Variants in CASZ1 observed in about 807,000 individuals in gnomAD.
The protein encoded by CASZ1 is zinc finger protein castor homolog 1.
CASZ1 carries 28 observed loss-of-function variants against 135.2 expected under a neutral mutation model. The observed-to-expected ratio is 0.21, with a 90% CI of 0.15 to 0.28. CASZ1 has a LOEUF of 0.28. Ranked by LOEUF, CASZ1 falls within the 10% of genes least tolerant of loss-of-function variation. CASZ1 has a pLI of 1.00. For synonymous variants in CASZ1, 1,068 were observed against 1,073.4 expected (o/e 0.99, Z 0.10); for missense variants, 2,161 against 2,453.3 (o/e 0.88, Z 2.52).
rs545642992 is a variant in CASZ1, at chr1:10,660,608, C to G, written c.506-72G>C. 3 of 1,363,194 alleles carry G rather than the reference C, an allele frequency of 2.2e-6. No individual in the cohort carries two copies. In the Admixed American group the frequency reaches 6.0e-5, roughly 27 times the overall value. 84.4% of individuals were successfully genotyped at this position (1,363,194 alleles called of 1,614,324 possible). On this transcript the variant is annotated intron_variant, in intron 5 of 20. Coordinates refer to ENST00000377022, the MANE Select transcript of CASZ1 (RefSeq NM_001079843.3). ...GGACAGGAGGTCCCCCCACTGGGGG[C>G]CCCCACCCATAGAGGGAGGGGGTCA...
intron 4 of CASZ1, among the ~76,000 whole-genome samples, chr1:10,684,637 G>A (rs1638528853): frequency 6.6e-6 from 1 of 152,166 alleles, no homozygotes; most frequent in Admixed American, 6.5e-5. Context: ...ATGGGTCTTT[G>A]CAGTTCTGGG....
Position 10,741,882 on chromosome 1 carries a change from GT to G in CASZ1, c.-77+18818del, listed in dbSNP as rs997854097. Among the ~76,000 whole-genome samples, 17 of 152,026 alleles carry G rather than the reference GT, an allele frequency of 1.1e-4. No homozygotes were observed. Among genetic ancestry groups the G allele is most frequent in the Non-Finnish European group, 2.2e-4 (15 of 68,004 alleles). ...CTGGGCAGTTTGTGCGTATCTGTGTGTTTTTTCCCCCAAAGCCAGGAGAGAT... is the reference window on the plus strand; with the variant it reads ...CTGGGCAGTTTGTGCGTATCTGTGTGTTTTTCCCCCAAAGCCAGGAGAGAT... On this transcript the variant is annotated intron_variant, in intron 2 of 20. Transcript: ENST00000377022. The surrounding 1 kb of genome is among the most constrained non-coding windows in gnomAD (Gnocchi z 5.0).
intron 17 of CASZ1, among the ~76,000 whole-genome samples, chr1:10,645,810 C>G (rs934888434): frequency 1.3e-5 from 2 of 152,100 alleles, no homozygotes; most frequent in African/African-American, 4.8e-5. Flanking sequence ...TTCGAAAATT[C>G]TAGGGCTTTG....
chr1:10,769,748 C>A (rs992927826), intron 1 of CASZ1, among the ~76,000 whole-genome samples: 1 of 152,196 alleles, frequency 6.6e-6, no homozygotes, highest in Non-Finnish European at 1.5e-5. Context: ...AACTCCTGAC[C>A]TCAAGTGATC....
intron 2 of CASZ1, among the ~76,000 whole-genome samples, chr1:10,710,819 G>A (rs1639270797): frequency 6.6e-6 from 1 of 152,276 alleles, no homozygotes; most frequent in South Asian, 2.1e-4. Flanking sequence ...CGCTGTGCCA[G>A]GCACAAGGAA....
At chr1:10,653,263 G>T (rs1428879944) in intron 11 of CASZ1, 114 bp downstream of exon 11, 2 of 1,095,250 alleles carry the variant, frequency 1.8e-6, no homozygotes, top group Admixed American at 1.8e-5. Flanking sequence ...GGCAAGCAGG[G>T]GCCACACGGA....
rs1019057645 is a variant in CASZ1 at position 10,697,908 on chromosome 1, C to T, written c.-23-3996G>A. On this transcript the variant is annotated intron_variant, in intron 3 of 20. Transcript: ENST00000377022. The surrounding 1 kb of genome is among the most constrained non-coding windows in gnomAD (Gnocchi z 4.7). ...TTTGCGTGTGAGCCCGCTCCGGGGC[C>T]GATGGAGGGAGGGTGTCGGGAAAGC... Among the ~76,000 whole-genome samples, 5 of 152,172 alleles carry T rather than the reference C, an allele frequency of 3.3e-5. No individual in the cohort carries two copies. Among genetic ancestry groups the T allele is most frequent in the Admixed American group, 1.3e-4 (2 of 15,280 alleles).
intron 1 of CASZ1, among the ~76,000 whole-genome samples, chr1:10,773,089 C>T (rs1040409798): frequency 6.6e-6 from 1 of 151,756 alleles, no homozygotes; most frequent in Admixed American, 6.6e-5. Flanking sequence ...TGTCATCGAG[C>T]ACCGGTGGGA....
chr1:10,791,498 C>T (rs189622738), intron 1 of CASZ1, among the ~76,000 whole-genome samples: 4 of 152,280 alleles, frequency 2.6e-5, no homozygotes, highest in Non-Finnish European at 5.9e-5. Context: ...CCAGGTTCCT[C>T]CCCCCGTCAT....
In CASZ1 at chr1:10,778,982, A is replaced by T. The variant is rs1234545797; in HGVS notation, c.-234+17582T>A. Among the ~76,000 whole-genome samples the T allele has an allele frequency of 2.0e-5, 3 of 152,202 alleles. No homozygotes were observed. The East Asian group carries it at 5.8e-4, about 29-fold the overall frequency. On this transcript the variant is annotated intron_variant, in intron 1 of 20. Transcript: ENST00000377022. ...ATCACCAATAGCTCTCCTGGCCTGC[A>T]AACAAAAGGCCAAGACCACTGCAAG...
rs976789190 is a variant in CASZ1, at chr1:10,700,441, C to G, written c.-24+5051G>C. Among the ~76,000 whole-genome samples the G allele has an allele frequency of 6.6e-6, 1 of 152,164 alleles. No homozygotes were observed. Among genetic ancestry groups the G allele is most frequent in the Non-Finnish European group, 1.5e-5 (1 of 68,032 alleles). ...GAGGTGTGAGGTTTTCTATGTGGAG[C>G]TGCCAGCGTACTTGGGGAGAAGACA... is the stretch of plus-strand genomic sequence containing the variant. On this transcript the variant is annotated intron_variant, in intron 3 of 20. Transcript: ENST00000377022. The surrounding 1 kb of genome is among the most constrained non-coding windows in gnomAD (Gnocchi z 4.2).
At chr1:10,671,599 G>T (rs1643400998) in intron 4 of CASZ1, among the ~76,000 whole-genome samples, 1 of 152,112 alleles carries the variant, frequency 6.6e-6, no homozygotes. Flanking sequence ...CCCTCTCTGT[G>T]GCCCCCACCT....
At chr1:10,664,700 G>A (rs192753855) in intron 5 of CASZ1, among the ~76,000 whole-genome samples, 400 of 152,150 alleles carry the variant, frequency 2.6e-3, no homozygotes, top group African/African-American at 9.2e-3. Flanking sequence ...TCTTGTGCCA[G>A]GTACTGTGCC....
chr1:10,716,948 C>T (rs902224789), intron 2 of CASZ1, among the ~76,000 whole-genome samples: 2 of 152,152 alleles, frequency 1.3e-5, no homozygotes, highest in Admixed American at 6.5e-5. Context: ...CTTTTACGTT[C>T]GGTCAAACTT....
chr1:10,689,810 A>T lies in CASZ1; in HGVS notation c.16+4064T>A, dbSNP rs180883801. 3.4e-3 allele frequency among the ~76,000 whole-genome samples: 515 copies of T among 152,288 alleles called. 4 individuals carry two copies. The highest frequency in any genetic ancestry group is 0.012 in the African/African-American group (495 of 41,554). ...CAGGACTGCCCCACTGAACAAAATC[A>T]AGTTGGGAGTCAGACAGCTGAAGAT... On this transcript the variant is annotated intron_variant, in intron 4 of 20. Transcript: ENST00000377022.
chr1:10,660,818 A>G (rs966534995), intron 5 of CASZ1: 9 of 482,196 alleles, frequency 1.9e-5, no homozygotes, highest in Non-Finnish European at 3.3e-5. Flanking sequence ...CAGTACATTA[A>G]ACAAAGTTTC....
intron 2 of CASZ1, among the ~76,000 whole-genome samples, chr1:10,748,849 C>G (rs1262570502): frequency 6.6e-6 from 1 of 152,258 alleles, no homozygotes. Flanking sequence ...CCAGAGCAAG[C>G]ATGGAGGTCT....
rs543764041 is a variant in CASZ1, at chr1:10,659,420, G to A, written c.1340+282C>T. On this transcript the variant is annotated intron_variant, in intron 6 of 20. Coordinates refer to ENST00000377022, the MANE Select transcript of CASZ1 (RefSeq NM_001079843.3). ...TGTGTGGGTGGCGTGTGTGGGGGGC[G>A]TGTGCGAGGTGCACGCGCAGGTCCA... Among the ~76,000 whole-genome samples the A allele has an allele frequency of 3.3e-5, 5 of 152,314 alleles. No individual in the cohort carries two copies. The East Asian group carries it at 5.8e-4, about 18-fold the overall frequency.
rs1448631038 is a variant in CASZ1 at position 10,777,724 on chromosome 1, C to T, written c.-233-16867G>A. On this transcript the variant is annotated intron_variant, in intron 1 of 20. Coordinates refer to ENST00000377022, the MANE Select transcript of CASZ1 (RefSeq NM_001079843.3). This position sits in a 1 kb window ranked among gnomAD's most constrained non-coding sequence, Gnocchi z 4.4. ...ATCTCATACAAAATCACACACAAAA[C>T]CACATACCACGTTACAATCACACAC... Among the ~76,000 whole-genome samples the T allele has an allele frequency of 6.7e-6, 1 of 149,132 alleles. No homozygotes were observed. The highest frequency in any genetic ancestry group is 1.5e-5 in the Non-Finnish European group (1 of 67,064).
Sources: gnomAD v4.1 joint callset for allele counts (sites outside exome capture counted in the v4.1 genomes callset) on GRCh38, gnomAD v4.1.1 for gene constraint, Gnocchi (gnomAD v3.1) non-coding constraint, MANE v1.5 for transcripts, NCBI Gene and HGNC (gene_info 2026-07-23, HGNC 2026-07-21) for gene names.